DAP3: variants seen among roughly 807,000 people sequenced by gnomAD.
DAP3 encodes death associated protein 3, also known as small ribosomal subunit protein mS29.
DAP3 carries 28 observed loss-of-function variants against 51.9 expected under a neutral mutation model. The ratio of observed to expected loss-of-function variants is 0.54; its 90% confidence interval spans 0.40 to 0.74. The LOEUF is 0.74. Among genes scored for constraint, DAP3 ranks in the 30% least tolerant of loss-of-function variants. The pLI, the probability that DAP3 is intolerant of heterozygous loss-of-function variation, is 0.00. For missense variants in DAP3, 458 were observed against 483.5 expected, an observed-to-expected ratio of 0.95 and a Z score of 0.49; for synonymous variants, 170 against 170.3, an observed-to-expected ratio of 1.00 and a Z score of 0.01.
At chr1:155,718,465 A>G (rs1388869225) in intron 3 of DAP3, among the ~76,000 whole-genome samples, 2 of 152,112 alleles carry the variant, frequency 1.3e-5, no homozygotes, top group East Asian at 1.9e-4. Flanking sequence ...CAGGCGGATC[A>G]TGAGGTCAGG....
intron 2 of DAP3, chr1:155,710,624 T>A (rs1441758414): frequency 6.6e-6 from 1 of 152,196 alleles, no homozygotes; most frequent in Admixed American, 6.6e-5. Context: ...ATGTGCCAGG[T>A]ACTACACTAA....
At chr1:155,704,904 G>C (rs982810113) in intron 1 of DAP3, among the ~76,000 whole-genome samples, 1 of 151,868 alleles carries the variant, frequency 6.6e-6, no homozygotes, top group South Asian at 2.1e-4. Flanking sequence ...GTTTGAACTC[G>C]GGAAGTGGAT....
chr1:155,691,546 C>T lies in DAP3; in HGVS notation c.-8+2372C>T, dbSNP rs903118559. Among the ~76,000 whole-genome samples, 9 of 141,670 alleles carry T rather than the reference C, an allele frequency of 6.4e-5. 1 individual carries two copies. Among genetic ancestry groups the T allele is most frequent in the Non-Finnish European group, 8.8e-5 (6 of 68,026 alleles). The allele number at this position is 141,670 out of a possible 152,430, so 92.9% of individuals were successfully genotyped here. On this transcript the variant is annotated intron_variant, in intron 1 of 12. Coordinates refer to ENST00000368336, the MANE Select transcript of DAP3 (RefSeq NM_004632.4). Reference sequence around the variant, plus strand: ...TTGGCTCTTATGCATAATACTGCTACGAACATTTGTGTACAACTTTTGCAT... The same window carrying T: ...TTGGCTCTTATGCATAATACTGCTATGAACATTTGTGTACAACTTTTGCAT...
chr1:155,728,859 C>CA (rs34650481), intron 7 of DAP3, among the ~76,000 whole-genome samples, 183 bp from the exon 8 acceptor site: 331 of 136,310 alleles, frequency 2.4e-3, no homozygotes, highest in Middle Eastern at 0.012. Context: ...GAAGCTGTCT[C>CA]AAAAAAAAAA....
At position 155,727,632 on chromosome 1, in the gene DAP3, G is replaced by A. The variant is rs760914706; in HGVS notation, c.497G>A (p.Arg166Gln). Residue 166 changes from arginine to glutamine, a missense_variant, in exon 7 of 13, where the codon CGG becomes CAG. Physicochemically the swap from Arg to Gln is conservative, Grantham distance 43 (BLOSUM62 1). Coordinates refer to ENST00000368336, the MANE Select transcript of DAP3 (RefSeq NM_004632.4). ...GCTCATCTTTGGGTGAAAAATTGTC[G>A]GGATCTTCTGCAGTCCAGCTACAAC... is the stretch of plus-strand genomic sequence containing the variant. The part of the protein sequence containing the change: ...PDAHLWVKNC[R>Q]DLLQSSYNKQ... 4.7e-5 allele frequency: 76 copies of A among 1,611,294 alleles called. 1 individual carries two copies. In the South Asian group the frequency reaches 5.7e-4, roughly 12 times the overall value.
chr1:155,719,285 G>C (rs1223039396), intron 3 of DAP3, among the ~76,000 whole-genome samples: 4 of 150,192 alleles, frequency 2.7e-5, no homozygotes, highest in Non-Finnish European at 5.9e-5. Flanking sequence ...GCCCAGGCTG[G>C]AGTGCAATGG....
At chr1:155,707,071 A>G (rs1258837351) in intron 1 of DAP3, among the ~76,000 whole-genome samples, 1 of 144,038 alleles carries the variant, frequency 6.9e-6, no homozygotes, top group Non-Finnish European at 1.5e-5. Context: ...AGCCTGGGCA[A>G]CAAGAGCGAA....
At chr1:155,725,062 C>T (rs1658423624) in intron 4 of DAP3, among the ~76,000 whole-genome samples, 1 of 151,914 alleles carries the variant, frequency 6.6e-6, no homozygotes. Context: ...TTACAGTGGC[C>T]CTAAGTGGTA....
intron 11 of DAP3, among the ~76,000 whole-genome samples, chr1:155,734,059 A>G (rs573360321): frequency 2.0e-5 from 3 of 152,212 alleles, no homozygotes; most frequent in East Asian, 3.9e-4. Flanking sequence ...CTGGAGACTG[A>G]GGTGGGAGGA....
At chr1:155,695,842 G>A (rs1654446709) in intron 1 of DAP3, among the ~76,000 whole-genome samples, 2 of 152,152 alleles carry the variant, frequency 1.3e-5, no homozygotes, top group Admixed American at 6.5e-5. Flanking sequence ...CAGTACTGGA[G>A]CCATCAGTAA....
In DAP3 at chr1:155,725,507, G is replaced by C; in HGVS notation, c.379+17G>C. The C allele has an allele frequency of 6.2e-7, 1 of 1,601,274 alleles. No homozygotes were observed. Among genetic ancestry groups the C allele is most frequent in the Non-Finnish European group, 8.6e-7 (1 of 1,168,354 alleles). On this transcript the variant is annotated intron_variant, in intron 5 of 12. Transcript: ENST00000368336. ...ATCTTCTGTGTATCCTTTCCTGCCT[G>C]CGTGGACCCTCATGAACCAATGCTT...
chr1:155,731,092 A>G (rs1050530642), intron 9 of DAP3, among the ~76,000 whole-genome samples: 1 of 151,822 alleles, frequency 6.6e-6, no homozygotes, highest in Non-Finnish European at 1.5e-5. Context: ...ACACGGGGAA[A>G]CCCTGTCTCT....
intron 1 of DAP3, among the ~76,000 whole-genome samples, chr1:155,695,454 G>A (rs1294604731): frequency 6.6e-6 from 1 of 152,126 alleles, no homozygotes; most frequent in Non-Finnish European, 1.5e-5. Flanking sequence ...ACATTAAGGT[G>A]TGTTAATGAG....
At chr1:155,708,007 C>A (rs775581837) in intron 1 of DAP3, among the ~76,000 whole-genome samples, 1 of 151,548 alleles carries the variant, frequency 6.6e-6, no homozygotes, top group African/African-American at 2.4e-5. Context: ...CTAGTATGAA[C>A]CTCCTTATAT....
At chr1:155,694,621 C>T (rs539988139) in intron 1 of DAP3, among the ~76,000 whole-genome samples, 1 of 149,708 alleles carries the variant, frequency 6.7e-6, no homozygotes, top group Non-Finnish European at 1.5e-5. Context: ...TTCGAGCCAT[C>T]AGGCGTGCTG....
At chr1:155,732,120 A>T in intron 11 of DAP3, 87 bp downstream of exon 11, 26 of 1,219,138 alleles carry the variant, frequency 2.1e-5, no homozygotes, top group Non-Finnish European at 2.7e-5. Context: ...TTTTGACATA[A>T]TTTCAGACTT....
intron 1 of DAP3, among the ~76,000 whole-genome samples, chr1:155,703,017 T>C (rs1349721853): frequency 6.6e-6 from 1 of 152,070 alleles, no homozygotes; most frequent in Non-Finnish European, 1.5e-5. Flanking sequence ...GTGATGTAAA[T>C]GTATGCCAAT....
intron 9 of DAP3, among the ~76,000 whole-genome samples, chr1:155,730,171 G>GTTCATATATGTATATATAATATTCATATA (rs1659063490): frequency 1.6e-5 from 2 of 125,854 alleles, no homozygotes; most frequent in African/African-American, 9.6e-5. Context: ...ATACCTATAT[G>GTTCATATATGTATATATAATATTCATATA]TTCATATATG....
At chr1:155,702,867 G>C (rs1655486457) in intron 1 of DAP3, among the ~76,000 whole-genome samples, 1 of 152,178 alleles carries the variant, frequency 6.6e-6, no homozygotes, top group Admixed American at 6.5e-5. Flanking sequence ...CTACTCAGGA[G>C]GCTGAGGCAG....
Sources: gnomAD v4.1 joint callset for allele counts (sites outside exome capture counted in the v4.1 genomes callset) on GRCh38, gnomAD v4.1.1 for gene constraint, MANE v1.5 for transcripts, NCBI Gene and HGNC (gene_info 2026-07-23, HGNC 2026-07-21) for gene names.